LRP1: variants seen among roughly 807,000 people sequenced by gnomAD.
The protein encoded by LRP1 is prolow-density lipoprotein receptor-related protein 1.
LRP1 carries 51 observed loss-of-function variants against 541.5 expected under a neutral mutation model. The observed-to-expected ratio is 0.09, with a 90% confidence interval of 0.08 to 0.12. The LOEUF (loss-of-function observed/expected upper bound fraction) is 0.12, where lower values mean the gene tolerates loss of function less well. Ranked by LOEUF, LRP1 falls within the 10% of genes least tolerant of loss-of-function variation. The pLI is 1.00. For synonymous variants in LRP1, 2,219 were observed against 2,470.8 expected, an observed-to-expected ratio of 0.90 and a Z score of 3.02; for missense variants, 3,878 against 6,376.2, an observed-to-expected ratio of 0.61 and a Z score of 13.34.
chr12:57,148,167 T>A (rs1175791752), intron 6 of LRP1, among the ~76,000 whole-genome samples: 1 of 152,114 alleles, frequency 6.6e-6, no homozygotes, highest in African/African-American at 2.4e-5. Context: ...TTTTTTTTTT[T>A]TTTTTTAACT....
At chr12:57,155,497 G>A (rs1261447470) in intron 8 of LRP1, 1 of 154,072 alleles carries the variant, frequency 6.5e-6, no homozygotes, top group Non-Finnish European at 1.4e-5. Flanking sequence ...AGATAGCAGT[G>A]TCACGGAGGA....
At chr12:57,133,542 G>T (rs756573687) in intron 1 of LRP1, among the ~76,000 whole-genome samples, 1 of 152,056 alleles carries the variant, frequency 6.6e-6, no homozygotes, top group African/African-American at 2.4e-5. Context: ...AAAACCTCTC[G>T]GTTTGGGTTT....
At chr12:57,147,568 C>T (rs1412660514) in intron 6 of LRP1, 3 of 152,254 alleles carry the variant, frequency 2.0e-5, no homozygotes. Context: ...TGTGCTGTGA[C>T]TGTGACCTCT....
chr12:57,140,364 G>T (rs558044178), intron 2 of LRP1, among the ~76,000 whole-genome samples: 2 of 152,072 alleles, frequency 1.3e-5, no homozygotes, highest in Admixed American at 6.5e-5. Context: ...TGAAATTTTC[G>T]AGTAGCCACT....
chr12:57,159,860 A>G lies in LRP1; in HGVS notation c.1834A>G (p.Met612Val). The change falls in exon 12 of 89, where the codon ATG becomes GTG. Residue 612 changes from methionine (M) to valine (V), a missense_variant. Coordinates refer to ENST00000243077, the MANE Select transcript of LRP1 (RefSeq NM_002332.3). Reference protein sequence around the residue: ...HNVEGVAVDWMGDNLYWTDDG... With the variant: ...HNVEGVAVDWVGDNLYWTDDG... ...TGTGGAGGGTGTGGCCGTGGACTGG[A>G]TGGGAGACAATCTGTACTGGACGGA... is the stretch of plus-strand genomic sequence containing the variant. 6.2e-7 allele frequency: 1 copy of G among 1,614,160 alleles called. No individual in the cohort carries two copies. Among genetic ancestry groups the G allele is most frequent in the Non-Finnish European group, 8.5e-7 (1 of 1,180,030 alleles).
intron 68 of LRP1, chr12:57,202,824 C>G (rs1318787399): frequency 1.7e-6 from 1 of 580,704 alleles, no homozygotes; most frequent in Non-Finnish European, 3.1e-6. Context: ...CAGAGCCCCC[C>G]ATCCCTGTGC....
In LRP1 at chr12:57,197,062, C is replaced by T; in HGVS notation, c.8973C>T (p.Pro2991=). 1 of 1,614,140 alleles carries T rather than the reference C, an allele frequency of 6.2e-7. No individual in the cohort carries two copies. The highest frequency in any genetic ancestry group is 8.5e-7 in the Non-Finnish European group (1 of 1,180,008). Residue 2991 remains proline (P), a synonymous_variant, in exon 56 of 89, where the codon CCC becomes CCT. Transcript: ENST00000243077. This position sits in a 1 kb window ranked among gnomAD's most constrained non-coding sequence, Gnocchi z 4.5. The part of the protein sequence containing the change: ...ADVDECSTTF[P]CSQRCINTHG... ...TGGACGAGTGCAGCACCACCTTCCC[C>T]TGCAGCCAGCGCTGCATCAACACTC... is the stretch of plus-strand genomic sequence containing the variant.
Position 57,201,760 on chromosome 12 carries a change from C to G in LRP1, c.10469-20C>G, listed in dbSNP as rs1226530012. The G allele has an allele frequency of 4.3e-6, 7 of 1,613,438 alleles. No individual in the cohort carries two copies. The highest frequency in any genetic ancestry group is 1.6e-4 in the Middle Eastern group (1 of 6,082). ...TCCTGGAAGGAGTCTCATCCTCACC[C>G]CATGCCCACCCGCTTGCAGCCCAGA... On this transcript the variant is annotated intron_variant, in intron 66 of 88. Transcript: ENST00000243077. This position sits in a 1 kb window ranked among gnomAD's most constrained non-coding sequence, Gnocchi z 6.4.
At position 57,193,638 on chromosome 12, in the gene LRP1, A is replaced by C. The variant is rs776290478; in HGVS notation, c.7757A>C (p.Asn2586Thr). The C allele has an allele frequency of 2.5e-6, 4 of 1,614,198 alleles. No homozygotes were observed. In the Admixed American group the frequency reaches 6.7e-5, roughly 27 times the overall value. The stretch of plus-strand genomic sequence containing the variant: ...TGTGTGTCCAACATGCTGTGGTGCA[A>C]CGGGGCCGACGACTGTGGGGATGGC... ...GRCVSNMLWC[N>T]GADDCGDGSD... The change falls in exon 47 of 89, where the codon AAC (asparagine) becomes ACC (threonine). Residue 2586 changes from asparagine (N) to threonine (T), a missense_variant. Asn to Thr is a moderately conservative substitution (Grantham distance 65). Around this residue, in one of 13 missense-constraint regions of LRP1, gnomAD observed 1,100 missense variants for 1,827.4 expected, o/e 0.60. Transcript: ENST00000243077.
Position 57,165,741 on chromosome 12 carries a change from G to A in LRP1, c.2531-64G>A. The A allele has an allele frequency of 1.3e-6, 2 of 1,546,924 alleles. No homozygotes were observed. The highest frequency in any genetic ancestry group is 2.3e-5 in the South Asian group (2 of 88,440). ...TAAAACAAACAAAAATGGTGCAAAG[G>A]GCTTAGTACTTGTCCCACGACCGGG... On this transcript the variant is annotated intron_variant, in intron 15 of 88. Transcript: ENST00000243077. The surrounding 1 kb of genome is among the most constrained non-coding windows in gnomAD (Gnocchi z 4.5).
intron 24 of LRP1, 41 bp downstream of exon 24, chr12:57,176,147 AGC>A: frequency 6.2e-7 from 1 of 1,606,488 alleles, no homozygotes; most frequent in Non-Finnish European, 8.5e-7. Context: ...ACACAGGCGG[AGC>A]GCTCAGGCGC....
rs1472943644 is a variant in LRP1 at position 57,190,829 on chromosome 12, T to C, written c.7056T>C (p.Asn2352=). ...GCCTCATGTTCTGGACCAACTGGAA[T>C]GAGCAGCATCCCAGCATCATGCGGG... ...CQNLMFWTNW[N]EQHPSIMRAA... is the part of the protein sequence containing the mutation. The change falls in exon 43 of 89, where the codon AAT becomes AAC. Residue 2352 remains asparagine (N), a synonymous_variant. Coordinates refer to ENST00000243077, the MANE Select transcript of LRP1 (RefSeq NM_002332.3). 6.8e-6 allele frequency: 11 copies of C among 1,613,978 alleles called. No individual in the cohort carries two copies. The highest frequency in any genetic ancestry group is 9.3e-6 in the Non-Finnish European group (11 of 1,179,984).
intron 52 of LRP1, 96 bp downstream of exon 52, chr12:57,195,495 A>G: frequency 1.3e-6 from 2 of 1,576,920 alleles, no homozygotes; most frequent in Non-Finnish European, 1.7e-6. Context: ...GAAATGCCTC[A>G]GCGGGGTCCA....
Position 57,145,345 on chromosome 12 carries a change from C to T in LRP1, c.696C>T (p.Ala232=). 6.2e-7 allele frequency: 1 copy of T among 1,614,174 alleles called. No homozygotes were observed. The highest frequency in any genetic ancestry group is 8.5e-7 in the Non-Finnish European group (1 of 1,180,038). The change falls in exon 6 of 89, where the codon GCC becomes GCT. Residue 232 remains alanine, a synonymous_variant. Transcript: ENST00000243077. ...ITPTSTRQTT[A]MDFSYANETV... ...CTACGAGCACGCGGCAGACCACAGC[C>T]ATGGACTTCAGCTATGCCAACGAGA...
chr12:57,153,250 G>A (rs901421389), intron 6 of LRP1, among the ~76,000 whole-genome samples: 5 of 149,408 alleles, frequency 3.3e-5, no homozygotes, highest in African/African-American at 7.4e-5. Flanking sequence ...TCCTGGAGAG[G>A]AGGAGCCCAG....
In LRP1 at chr12:57,206,522, C is replaced by T; in HGVS notation, c.11640C>T (p.Ser3880=). 1 of 1,614,162 alleles carries T rather than the reference C, an allele frequency of 6.2e-7. No homozygotes were observed. Among genetic ancestry groups the T allele is most frequent in the Non-Finnish European group, 8.5e-7 (1 of 1,180,030 alleles). Residue 3880 remains serine (S), a synonymous_variant, in exon 76 of 89, where the codon AGC becomes AGT. Coordinates refer to ENST00000243077, the MANE Select transcript of LRP1 (RefSeq NM_002332.3). This position sits in a 1 kb window ranked among gnomAD's most constrained non-coding sequence, Gnocchi z 4.7. The part of the protein sequence containing the change: ...LYIADDNEIR[S]LFPGHPHSAY... ...TCGCTGATGACAATGAGATCCGCAG[C>T]CTGTTCCCCGGCCACCCCCATTCGG...
intron 2 of LRP1, 54 bp downstream of exon 2, chr12:57,138,635 T>C: frequency 6.2e-7 from 1 of 1,600,516 alleles, no homozygotes; most frequent in Non-Finnish European, 8.5e-7. Context: ...TCCCTCTTCC[T>C]TTGGCAGATG....
chr12:57,202,325 C>A, intron 67 of LRP1, 96 bp from the exon 68 acceptor site: 1 of 986,800 alleles, frequency 1.0e-6, no homozygotes, highest in Non-Finnish European at 1.6e-6. Flanking sequence ...GCTGGGATGC[C>A]CACCCTCCCT....
chr12:57,159,654 T>C (rs1313782135), intron 11 of LRP1, among the ~76,000 whole-genome samples, 171 bp from the exon 12 acceptor site: 1 of 152,126 alleles, frequency 6.6e-6, no homozygotes, highest in Admixed American at 6.5e-5. Context: ...CCCCTATTCC[T>C]TTTCCAGCCT....
Sources: allele counts gnomAD v4.1 joint callset (sites outside exome capture counted in the v4.1 genomes callset), GRCh38; gene constraint gnomAD v4.1.1; regional missense constraint gnomAD v4.1.1; non-coding constraint Gnocchi (gnomAD v3.1); transcripts MANE v1.5; gene names NCBI Gene and HGNC (gene_info 2026-07-23, HGNC 2026-07-21).